ZSWIM5: variants seen among roughly 807,000 people sequenced by gnomAD.
The protein encoded by ZSWIM5 is zinc finger SWIM-type containing 5.
Under a neutral mutation model 119.6 loss-of-function variants are expected in ZSWIM5, and 55 were observed. That is an observed-to-expected ratio of 0.46 (90% CI 0.37 to 0.58). The LOEUF (loss-of-function observed/expected upper bound fraction) is 0.58. Ranked by LOEUF, ZSWIM5 falls within the 20% of genes least tolerant of loss-of-function variation. The pLI is 0.00. For synonymous variants in ZSWIM5, 537 were observed against 606.9 expected, an observed-to-expected ratio of 0.88 and a Z score of 1.69; for missense variants, 1,193 against 1,512.8, an observed-to-expected ratio of 0.79 and a Z score of 3.51.
intron 2 of ZSWIM5, among the ~76,000 whole-genome samples, chr1:45,082,845 G>A (rs1346827716): frequency 1.3e-5 from 2 of 152,170 alleles, no homozygotes; most frequent in African/African-American, 4.8e-5. Flanking sequence ...GAGGGAAGAG[G>A]GTTGTTTTGG....
Position 45,074,686 on chromosome 1 carries a change from A to AT in ZSWIM5, c.952+13194dup, listed in dbSNP as rs950985847. Among the ~76,000 whole-genome samples the AT allele has an allele frequency of 2.0e-4, 30 of 150,852 alleles. 1 individual carries two copies. The highest frequency in any genetic ancestry group is 4.2e-4 in the South Asian group (2 of 4,778). ...AAAAAACCAACCTTTTGTTTTATTG[A>AT]TTTTTTTTGTATTGTTTTCATTTCA... On this transcript the variant is annotated intron_variant, in intron 2 of 13. Coordinates refer to ENST00000359600, the MANE Select transcript of ZSWIM5 (RefSeq NM_020883.2).
intron 7 of ZSWIM5, among the ~76,000 whole-genome samples, chr1:45,039,786 C>T (rs1645008590): frequency 6.6e-6 from 1 of 151,112 alleles, no homozygotes; most frequent in Non-Finnish European, 1.5e-5. Context: ...CTCACTGCAA[C>T]CTCCGCCTCC....
chr1:45,161,642 G>A (rs755748470), intron 1 of ZSWIM5, among the ~76,000 whole-genome samples: 4 of 152,232 alleles, frequency 2.6e-5, no homozygotes, highest in Admixed American at 6.5e-5. Flanking sequence ...TAAGAAGTGT[G>A]CACGTTCACT....
At chr1:45,178,625 A>G (rs1645995401) in intron 1 of ZSWIM5, among the ~76,000 whole-genome samples, 2 of 152,232 alleles carry the variant, frequency 1.3e-5, no homozygotes, top group East Asian at 1.9e-4. Context: ...TGCATTTCTG[A>G]TTTGATATAA....
At chr1:45,112,825 C>T (rs1212966459) in intron 1 of ZSWIM5, among the ~76,000 whole-genome samples, 1 of 152,146 alleles carries the variant, frequency 6.6e-6, no homozygotes, top group Non-Finnish European at 1.5e-5. Flanking sequence ...GAGCATCACC[C>T]AGGGAAACGA....
chr1:45,037,837 T>C (rs1644994950), intron 8 of ZSWIM5, among the ~76,000 whole-genome samples: 1 of 152,218 alleles, frequency 6.6e-6, no homozygotes, highest in Admixed American at 6.5e-5. Context: ...GCTCCACCAG[T>C]GGGTGCACAA....
chr1:45,133,600 A>ATTCC (rs1293504416), intron 1 of ZSWIM5, among the ~76,000 whole-genome samples: 2 of 152,038 alleles, frequency 1.3e-5, no homozygotes, highest in Non-Finnish European at 2.9e-5. Flanking sequence ...GCTGTGCAGA[A>ATTCC]GCTCTTTAGT....
intron 2 of ZSWIM5, among the ~76,000 whole-genome samples, chr1:45,064,009 T>C (rs920825095): frequency 7.9e-5 from 12 of 151,698 alleles, no homozygotes. Flanking sequence ...AATCATAAAA[T>C]TAGTGTACAG....
chr1:45,025,585 G>A (rs2148987915), intron 11 of ZSWIM5, among the ~76,000 whole-genome samples: 1 of 152,148 alleles, frequency 6.6e-6, no homozygotes, highest in Non-Finnish European at 1.5e-5. Flanking sequence ...AATGTAAATG[G>A]TACTGTGTTT....
In ZSWIM5 at chr1:45,034,372, G is replaced by A. The variant is rs1322587335; in HGVS notation, c.2389C>T (p.Leu797Phe). 6.8e-6 allele frequency: 11 copies of A among 1,613,922 alleles called. No homozygotes were observed. In the African/African-American group the frequency reaches 1.3e-4, roughly 20 times the overall value. ...CACTGCTGTGATTCCAAGTGTCCAA[G>A]CGTGAACCAGCGAGGATAACGGCTG... ...VPSRYPRWFT[L>F]GHLESQQCEL... The change falls in exon 11 of 14, where the codon CTT becomes TTT. Residue 797 changes from leucine to phenylalanine, a missense_variant. Leu to Phe is a conservative substitution (Grantham distance 22). Transcript: ENST00000359600.
Position 45,020,133 on chromosome 1 carries a change from G to C in ZSWIM5, c.2628C>G (p.Thr876=), listed in dbSNP as rs1644877839. ...TGCGTCTCCAGTTAAGGGTTGATAA[G>C]GTCATCCGCATCACCTGGGCACAAA... ...LELGLQVMRM[T]LSTLNWRRRE... The change falls in exon 13 of 14, where the codon ACC becomes ACG. Residue 876 remains threonine, a synonymous_variant. Coordinates refer to ENST00000359600, the MANE Select transcript of ZSWIM5 (RefSeq NM_020883.2). 2 of 1,614,158 alleles carry C rather than the reference G, an allele frequency of 1.2e-6. No individual in the cohort carries two copies. Among genetic ancestry groups the C allele is most frequent in the Non-Finnish European group, 1.7e-6 (2 of 1,180,036 alleles).
intron 1 of ZSWIM5, among the ~76,000 whole-genome samples, chr1:45,144,388 C>T (rs1645748679): frequency 6.6e-6 from 1 of 151,382 alleles, no homozygotes; most frequent in African/African-American, 2.4e-5. Context: ...GAAAAAATTG[C>T]CAGCCATGAT....
intron 2 of ZSWIM5, among the ~76,000 whole-genome samples, chr1:45,062,541 C>T (rs891198867): frequency 7.9e-5 from 12 of 152,120 alleles, no homozygotes; most frequent in African/African-American, 2.7e-4. Context: ...CACTCTGTTG[C>T]CCAGGCTGGA....
chr1:45,181,371 G>C (rs539324527), intron 1 of ZSWIM5, among the ~76,000 whole-genome samples: 1 of 151,962 alleles, frequency 6.6e-6, no homozygotes, highest in South Asian at 2.1e-4. Context: ...AAGCGAGAAG[G>C]GAAGTTTAGA....
chr1:45,206,395 G>C lies in ZSWIM5; in HGVS notation c.-45C>G, dbSNP rs763273975. The C allele has an allele frequency of 7.4e-6, 10 of 1,350,026 alleles. No homozygotes were observed. In the South Asian group the frequency reaches 1.8e-4, roughly 24 times the overall value. 83.6% of individuals were successfully genotyped at this position (1,350,026 alleles called of 1,614,324 possible). On this transcript the variant is annotated 5_prime_UTR_variant, in exon 1 of 14. Transcript: ENST00000359600. ...GACTGAGGCGGCGGCGGCTGCTCGGGCTGCGGCGGAGACCCTGGCCACGGC... is the reference window on the plus strand; with the variant it reads ...GACTGAGGCGGCGGCGGCTGCTCGGCCTGCGGCGGAGACCCTGGCCACGGC...
chr1:45,048,084 T>TTC (rs764000732), intron 5 of ZSWIM5, among the ~76,000 whole-genome samples: 510 of 46,512 alleles, frequency 0.011, 18 homozygotes, highest in East Asian at 0.037. Flanking sequence ...TCTTTTCTCT[T>TTC]TTTTTTTTTT....
At chr1:45,166,940 A>G (rs1487389473) in intron 1 of ZSWIM5, among the ~76,000 whole-genome samples, 3 of 151,596 alleles carry the variant, frequency 2.0e-5, no homozygotes, top group East Asian at 1.9e-4. Context: ...CAAGCTACCA[A>G]TGACTTTCTT....
chr1:45,147,835 T>G (rs977788464), intron 1 of ZSWIM5, among the ~76,000 whole-genome samples: 46 of 152,194 alleles, frequency 3.0e-4, no homozygotes, highest in Admixed American at 2.6e-3. Context: ...CACACTTCCT[T>G]TTTAATGAAC....
chr1:45,189,715 C>G (rs556897322), intron 1 of ZSWIM5, among the ~76,000 whole-genome samples: 9 of 152,270 alleles, frequency 5.9e-5, no homozygotes, highest in Admixed American at 3.3e-4. Flanking sequence ...ATGATCTTGT[C>G]GCTGCATTCC....
Sources: gnomAD v4.1 joint callset for allele counts (sites outside exome capture counted in the v4.1 genomes callset) on GRCh38, gnomAD v4.1.1 for gene constraint, MANE v1.5 for transcripts, NCBI Gene and HGNC (gene_info 2026-07-23, HGNC 2026-07-21) for gene names.